Variants in PVT1 observed in about 807,000 individuals in gnomAD.
PVT1 encodes the protein CXCR4/PVT1 fusion.
intron 5 of PVT1, among the ~76,000 whole-genome samples, chr8:128,086,927 C>T (rs1351671054): frequency 6.6e-6 from 1 of 152,200 alleles, no homozygotes; most frequent in Non-Finnish European, 1.5e-5. Context: ...CTGAGTTTGA[C>T]TCTATGATTT....
At chr8:127,897,618 AG>A (rs1815696893) in intron 3 of PVT1, among the ~76,000 whole-genome samples, 1 of 148,548 alleles carries the variant, frequency 6.7e-6, no homozygotes, top group African/African-American at 2.5e-5. Flanking sequence ...AAGAAAGGAA[AG>A]AAAGAAAGAA....
intron 3 of PVT1, among the ~76,000 whole-genome samples, chr8:127,908,136 G>T (rs1189210140): frequency 6.6e-6 from 1 of 151,904 alleles, no homozygotes; most frequent in Non-Finnish European, 1.5e-5. Context: ...TTGTGTGTTG[G>T]GTGATAAGTC....
intron 4 of PVT1, among the ~76,000 whole-genome samples, chr8:128,059,215 C>T (rs1000613736): frequency 6.6e-6 from 1 of 152,118 alleles, no homozygotes; most frequent in African/African-American, 2.4e-5. Flanking sequence ...CCCCTTTGTA[C>T]AATTATGATA....
At chr8:127,919,237 G>C (rs1816027508) in intron 3 of PVT1, among the ~76,000 whole-genome samples, 1 of 152,192 alleles carries the variant, frequency 6.6e-6, no homozygotes, top group South Asian at 2.1e-4. Flanking sequence ...GTTATGGAGT[G>C]TGCACATTCT....
At position 128,044,576 on chromosome 8, in the gene PVT1, C is replaced by A. The variant is rs536637618; in HGVS notation, n.913-25584C>A. Among the ~76,000 whole-genome samples, 15 of 152,302 alleles carry A rather than the reference C, an allele frequency of 9.8e-5. No individual in the cohort carries two copies. The South Asian group carries it at 3.1e-3, about 32-fold the overall frequency. ...TTACTACCTCCCTGCTGGTAACAAA[C>A]AAAACCTCAGCACAGTGCCTGCAAC... On this transcript the variant is annotated intron_variant and non_coding_transcript_variant, in intron 4 of 10. Coordinates refer to ENST00000651587, the Ensembl canonical transcript of PVT1.
At chr8:127,874,274 C>T (rs758313962) in intron 2 of PVT1, among the ~76,000 whole-genome samples, 7 of 152,004 alleles carry the variant, frequency 4.6e-5, no homozygotes, top group Admixed American at 1.3e-4. Flanking sequence ...AGCTGAGAGT[C>T]GCAAGGGGTT....
chr8:127,817,814 C>A (rs35536375), intron 2 of PVT1, among the ~76,000 whole-genome samples: 8,772 of 151,810 alleles, frequency 0.058, 319 homozygotes, highest in Middle Eastern at 0.075. Flanking sequence ...ATTGCTTGAG[C>A]CTGGGAGGTC....
At chr8:128,089,874 G>T (rs1204455481) in intron 5 of PVT1, among the ~76,000 whole-genome samples, 1 of 152,210 alleles carries the variant, frequency 6.6e-6, no homozygotes, top group Non-Finnish European at 1.5e-5. Flanking sequence ...TAAGGAACAT[G>T]TGAGTTCGCT....
chr8:127,861,569 T>C (rs1019323901), intron 2 of PVT1, among the ~76,000 whole-genome samples: 1 of 152,216 alleles, frequency 6.6e-6, no homozygotes, highest in Non-Finnish European at 1.5e-5. Flanking sequence ...TGTTTTTTTT[T>C]TTAACTTATA....
At chr8:127,907,298 A>G (rs2129837286) in intron 3 of PVT1, among the ~76,000 whole-genome samples, 1 of 152,134 alleles carries the variant, frequency 6.6e-6, no homozygotes, top group East Asian at 1.9e-4. Flanking sequence ...ATGTTTCCAG[A>G]CCGCCTGCTT....
At chr8:127,901,569 CT>C (rs1223176492) in intron 3 of PVT1, among the ~76,000 whole-genome samples, 1 of 152,030 alleles carries the variant, frequency 6.6e-6, no homozygotes, top group Non-Finnish European at 1.5e-5. Context: ...TGATTTTTTT[CT>C]TTTCTTTTTT....
At chr8:127,854,279 C>T (rs1051488534) in intron 2 of PVT1, among the ~76,000 whole-genome samples, 6 of 152,224 alleles carry the variant, frequency 3.9e-5, no homozygotes, top group African/African-American at 7.2e-5. Context: ...TGGGCTGACT[C>T]GAGCCCGGCC....
At chr8:127,878,928 T>G (rs770707427) in intron 2 of PVT1, among the ~76,000 whole-genome samples, 21 of 152,138 alleles carry the variant, frequency 1.4e-4, no homozygotes, top group Non-Finnish European at 2.6e-4. Context: ...GGAATGATAT[T>G]ATGGCTTCAG....
chr8:127,930,656 T>A (rs1228044305), intron 3 of PVT1, among the ~76,000 whole-genome samples: 2 of 152,116 alleles, frequency 1.3e-5, no homozygotes, highest in Non-Finnish European at 2.9e-5. Context: ...CAGCAGGGTG[T>A]GTAAAGGTAC....
chr8:127,963,825 C>T (rs371536381), intron 3 of PVT1, among the ~76,000 whole-genome samples: 2 of 152,166 alleles, frequency 1.3e-5, no homozygotes, highest in South Asian at 2.1e-4. Flanking sequence ...CTTTGTCCTG[C>T]GTGCCTTGGG....
chr8:128,054,685 TG>T (rs34786891), intron 4 of PVT1, among the ~76,000 whole-genome samples: 5,276 of 152,314 alleles, frequency 0.035, 186 homozygotes, highest in East Asian at 0.19. Context: ...TGACAGATTC[TG>T]ACTGCAGTTT....
At chr8:127,950,816 T>C (rs1816497402) in intron 3 of PVT1, among the ~76,000 whole-genome samples, 2 of 152,200 alleles carry the variant, frequency 1.3e-5, no homozygotes, top group Admixed American at 1.3e-4. Context: ...CTCAGTCTGC[T>C]CAGCACTTTT....
intron 4 of PVT1, among the ~76,000 whole-genome samples, chr8:128,011,193 G>A (rs1017173138): frequency 8.5e-5 from 13 of 152,190 alleles, no homozygotes; most frequent in African/African-American, 2.7e-4. Flanking sequence ...TACGAGTCAT[G>A]TTTTGTAAGC....
At chr8:128,070,494 G>A (rs1586506930) in intron 5 of PVT1, 1 of 152,306 alleles carries the variant, frequency 6.6e-6, no homozygotes, top group South Asian at 2.1e-4. Context: ...CCAGCACCTG[G>A]TATTGGCAGA....
Sources: allele counts gnomAD v4.1 joint callset (sites outside exome capture counted in the v4.1 genomes callset), GRCh38; gene constraint gnomAD v4.1.1; transcripts MANE v1.5; gene names NCBI Gene and HGNC (gene_info 2026-07-23, HGNC 2026-07-21).